LRRCC1: variants seen among roughly 807,000 people sequenced by gnomAD.
LRRCC1 encodes the protein leucine-rich repeat and coiled-coil domain-containing protein 1.
In LRRCC1, 115 loss-of-function variants were observed where a neutral mutation model predicts 126.0. That is an observed-to-expected ratio of 0.91 (90% CI 0.78 to 1.07). LRRCC1 has a LOEUF of 1.07. LRRCC1 is among the 50% of genes least tolerant of loss of function. The probability of loss-of-function intolerance (pLI) is 0.00; values close to 1 mark genes in which losing one functional copy is unlikely to be tolerated. For missense variants in LRRCC1, 1,172 were observed against 1,175.7 expected, an observed-to-expected ratio of 1.00 and a Z score of 0.05; for synonymous variants, 400 against 393.4, an observed-to-expected ratio of 1.02 and a Z score of -0.20.
rs201098677 is a variant in LRRCC1, at chr8:85,123,522, T to C, written c.1040T>C (p.Val347Ala). 11 of 1,611,220 alleles carry C rather than the reference T, an allele frequency of 6.8e-6. No homozygotes were observed. The highest frequency in any genetic ancestry group is 9.3e-6 in the Non-Finnish European group (11 of 1,179,118). Residue 347 changes from valine to alanine, a missense_variant, in exon 7 of 19, where the codon GTT becomes GCT. Val to Ala is a moderately conservative substitution (Grantham distance 64). Coordinates refer to ENST00000360375, the MANE Select transcript of LRRCC1 (RefSeq NM_033402.5). Reference sequence around the variant, plus strand: ...AACAGAAAAGAATGCAATAGAAAAGTTCCTCGAAGATCAAAAATCCCTTAT... The same window carrying C: ...AACAGAAAAGAATGCAATAGAAAAGCTCCTCGAAGATCAAAAATCCCTTAT... ...YGNRKECNRK[V>A]PRRSKIPYDA...
At position 85,138,043 on chromosome 8, in the gene LRRCC1, A is replaced by G. The variant is rs758446143; in HGVS notation, c.2502A>G (p.Gln834=). 3 of 1,544,438 alleles carry G rather than the reference A, an allele frequency of 1.9e-6. No homozygotes were observed. The African/African-American group carries it at 4.2e-5, about 21-fold the overall frequency. ...ETIRKLKDCL[Q]EKDEHIKRLQ... Reference sequence around the variant, plus strand: ...CAATTTTTTTCTTAAAGTGTTTACAAGAAAAAGATGAACACATCAAAAGAT... The same window carrying G: ...CAATTTTTTTCTTAAAGTGTTTACAGGAAAAAGATGAACACATCAAAAGAT... Residue 834 remains glutamine, a synonymous_variant, in exon 16 of 19, where the codon CAA becomes CAG. Coordinates refer to ENST00000360375, the MANE Select transcript of LRRCC1 (RefSeq NM_033402.5).
At position 85,129,178 on chromosome 8, in the gene LRRCC1, A is replaced by G; in HGVS notation, c.1425A>G (p.Leu475=). The G allele has an allele frequency of 6.2e-7, 1 of 1,603,166 alleles. No homozygotes were observed. The highest frequency in any genetic ancestry group is 8.5e-7 in the Non-Finnish European group (1 of 1,174,294). The change falls in exon 10 of 19, where the codon CTA becomes CTG. Residue 475 remains leucine (L), a synonymous_variant. Transcript: ENST00000360375. ...CCACATATAACTTCTGCTTTAGGCT[A>G]AAGGAAATTATTTTTAGAGAGAGAA... ...HSLALLTTDR[L]KEIIFRERNS... is the part of the protein sequence containing the mutation.
chr8:85,131,689 C>A, intron 11 of LRRCC1, 71 bp from the exon 12 acceptor site: 1 of 1,178,404 alleles, frequency 8.5e-7, no homozygotes, highest in African/African-American at 1.6e-5. Flanking sequence ...TTAAGAACTA[C>A]GTAAAGACCT....
At chr8:85,123,849 G>A (rs1809759229) in intron 7 of LRRCC1, among the ~76,000 whole-genome samples, 1 of 152,002 alleles carries the variant, frequency 6.6e-6, no homozygotes, top group African/African-American at 2.4e-5. Context: ...ATACTATAAA[G>A]AATACTGACT....
At chr8:85,129,679 A>C (rs1239175131) in intron 10 of LRRCC1, among the ~76,000 whole-genome samples, 1 of 152,228 alleles carries the variant, frequency 6.6e-6, no homozygotes. Flanking sequence ...TTTCATTTTC[A>C]TGCTTTCTGA....
chr8:85,126,600 A>G (rs774225012), intron 8 of LRRCC1, 89 bp from the exon 9 acceptor site: 1 of 1,090,910 alleles, frequency 9.2e-7, no homozygotes, highest in Non-Finnish European at 1.3e-6. Context: ...AGTAGGTACT[A>G]TTATTCCCCT....
At chr8:85,112,855 C>G (rs1198292156) in intron 3 of LRRCC1, 77 bp from the exon 4 acceptor site, 2 of 1,087,124 alleles carry the variant, frequency 1.8e-6, no homozygotes, top group South Asian at 1.9e-5. Context: ...AAAGTATAAC[C>G]TATCTAGCAA....
At chr8:85,138,296 T>G in intron 16 of LRRCC1, 42 bp from the exon 17 acceptor site, 2 of 1,584,488 alleles carry the variant, frequency 1.3e-6, no homozygotes, top group Non-Finnish European at 1.7e-6. Context: ...GCTTAATAAT[T>G]TAATAAACCC....
intron 8 of LRRCC1, 125 bp downstream of exon 8, chr8:85,125,064 A>C (rs552531050): frequency 8.4e-6 from 5 of 592,562 alleles, no homozygotes; most frequent in Middle Eastern, 9.0e-4. Context: ...AAAATGGGTT[A>C]TTTTTTCCTT....
In LRRCC1 at chr8:85,113,001, G is replaced by C. The variant is rs367990455; in HGVS notation, c.446G>C (p.Ser149Thr). The C allele has an allele frequency of 6.2e-7, 1 of 1,603,228 alleles. No homozygotes were observed. Among genetic ancestry groups the C allele is most frequent in the Non-Finnish European group, 8.5e-7 (1 of 1,171,222 alleles). ...YIDLHSNRID[S>T]IHHLLQCMVG... Reference sequence around the variant, plus strand: ...GATCTACATAGTAATCGTATAGATAGTATCCATCACTTACTTCAGTGTATG... The same window carrying C: ...GATCTACATAGTAATCGTATAGATACTATCCATCACTTACTTCAGTGTATG... The change falls in exon 4 of 19, where the codon AGT becomes ACT. Residue 149 changes from serine to threonine, a missense_variant. Coordinates refer to ENST00000360375, the MANE Select transcript of LRRCC1 (RefSeq NM_033402.5).
In LRRCC1 at chr8:85,131,743, T is replaced by C; in HGVS notation, c.1767-17T>C. On this transcript the variant is annotated splice_polypyrimidine_tract_variant and intron_variant, in intron 11 of 18. Transcript: ENST00000360375. The stretch of plus-strand genomic sequence containing the variant: ...GGTGAGTATCATCCTTTTATCTTTA[T>C]ATGTTTTTCACTCCAGGAAGGAACT... 1 of 1,590,354 alleles carries C rather than the reference T, an allele frequency of 6.3e-7. No individual in the cohort carries two copies. Among genetic ancestry groups the C allele is most frequent in the Non-Finnish European group, 8.6e-7 (1 of 1,167,502 alleles).
Position 85,124,819 on chromosome 8 carries a change from C to A in LRRCC1, c.1152C>A (p.Tyr384Ter). 6.3e-7 allele frequency: 1 copy of A among 1,576,548 alleles called. No homozygotes were observed. Among genetic ancestry groups the A allele is most frequent in the Non-Finnish European group, 8.6e-7 (1 of 1,159,014 alleles). The change falls in exon 8 of 19, where the codon TAC becomes TAA. Residue 384 changes from tyrosine (Y) to a stop codon, truncating the protein, a stop_gained. Transcript: ENST00000360375. LOFTEE classifies it high-confidence loss of function. The part of the protein sequence containing the change: ...VSCNRKMKPP[Y>*]LKELYVSSSL... Reference sequence around the variant, plus strand: ...GTAATCGTAAAATGAAACCACCTTACCTTAAAGAATTATATGTAAGCTCAT... The same window carrying A: ...GTAATCGTAAAATGAAACCACCTTAACTTAAAGAATTATATGTAAGCTCAT...
chr8:85,119,588 G>A (rs1024203053), intron 6 of LRRCC1, among the ~76,000 whole-genome samples: 9 of 151,646 alleles, frequency 5.9e-5, no homozygotes, highest in Non-Finnish European at 7.4e-5. Flanking sequence ...ATGGCTCCTG[G>A]GTTCAAGCGA....
chr8:85,112,909 A>G lies in LRRCC1; in HGVS notation c.377-23A>G, dbSNP rs1269662568. ...TGGAAAGACTATTGCTGTGGCATTT[A>G]AAGAATTATGTTCCTATTGCAGGAT... is the stretch of plus-strand genomic sequence containing the variant. On this transcript the variant is annotated intron_variant, in intron 3 of 18. Coordinates refer to ENST00000360375, the MANE Select transcript of LRRCC1 (RefSeq NM_033402.5). 1.3e-5 allele frequency: 20 copies of G among 1,517,696 alleles called. No homozygotes were observed. The East Asian group carries it at 4.4e-4, about 33-fold the overall frequency. 94.0% of individuals were successfully genotyped at this position (1,517,696 alleles called of 1,614,324 possible). A position where few individuals can be genotyped will look rare whatever the true frequency, so the allele number is the denominator to read the frequency against.
At chr8:85,107,563 C>T (rs750355781) in intron 1 of LRRCC1, 164 bp downstream of exon 1, 15 of 564,844 alleles carry the variant, frequency 2.7e-5, no homozygotes, top group Non-Finnish European at 4.2e-5. Flanking sequence ...ACTTACCTGC[C>T]GAAGTGCCAG....
intron 11 of LRRCC1, 33 bp from the exon 12 acceptor site, chr8:85,131,727 C>T: frequency 6.5e-7 from 1 of 1,527,920 alleles, no homozygotes; most frequent in Non-Finnish European, 8.9e-7. Flanking sequence ...AGGTGAGTAT[C>T]ATCCTTTTAT....
chr8:85,138,577 CAT>C (rs1811037906), intron 17 of LRRCC1, 102 bp downstream of exon 17: 1 of 1,197,014 alleles, frequency 8.4e-7, no homozygotes, highest in African/African-American at 1.5e-5. Flanking sequence ...TCATGTAAGA[CAT>C]AGTTATTTGC....
chr8:85,124,686 T>A, intron 7 of LRRCC1, 106 bp from the exon 8 acceptor site: 1 of 619,694 alleles, frequency 1.6e-6, no homozygotes, highest in Non-Finnish European at 2.6e-6. Context: ...TTTATTAATA[T>A]TCTTTTTAAA....
intron 10 of LRRCC1, 87 bp downstream of exon 10, chr8:85,129,466 C>T (rs1810277533): frequency 8.6e-7 from 1 of 1,162,166 alleles, no homozygotes; most frequent in African/African-American, 1.6e-5. Context: ...ACCTAGAAAA[C>T]CTAAAAGATG....
Sources: allele counts gnomAD v4.1 joint callset (sites outside exome capture counted in the v4.1 genomes callset), GRCh38; gene constraint gnomAD v4.1.1; transcripts MANE v1.5; gene names NCBI Gene and HGNC (gene_info 2026-07-23, HGNC 2026-07-21).